Variants in CSMD1 observed in about 807,000 individuals in gnomAD.
CSMD1 encodes CUB and sushi domain-containing protein 1.
Under a neutral mutation model 417.5 loss-of-function variants are expected in CSMD1, and 213 were observed. That is an observed-to-expected ratio of 0.51 (90% CI 0.46 to 0.57). The LOEUF is 0.57. Among genes scored for constraint, CSMD1 ranks in the 20% least tolerant of loss-of-function variants. CSMD1 has a pLI of 0.00. For synonymous variants in CSMD1, 2,862 were observed against 1,736.8 expected (o/e 1.65, Z -16.11); for missense variants, 6,923 against 4,529.7 (o/e 1.53, Z -15.17).
chr8:4,640,453 GC>G (rs1410714980), intron 1 of CSMD1, among the ~76,000 whole-genome samples: 2 of 152,132 alleles, frequency 1.3e-5, no homozygotes, highest in African/African-American at 2.4e-5. Flanking sequence ...AGAATAGAAA[GC>G]CATAAAATCC....
At chr8:3,505,158 T>G (rs1293534646) in intron 10 of CSMD1, among the ~76,000 whole-genome samples, 1 of 152,002 alleles carries the variant, frequency 6.6e-6, no homozygotes, top group Non-Finnish European at 1.5e-5. Flanking sequence ...CTCAGATGTA[T>G]GAAAGAGGGT....
intron 5 of CSMD1, among the ~76,000 whole-genome samples, chr8:3,792,167 A>C (rs1277452654): frequency 6.6e-6 from 1 of 152,036 alleles, no homozygotes; most frequent in Non-Finnish European, 1.5e-5. Context: ...CATGGTGCAC[A>C]CGTGTAGTCC....
intron 1 of CSMD1, among the ~76,000 whole-genome samples, chr8:4,796,958 T>G (rs1462944501): frequency 6.6e-6 from 1 of 152,204 alleles, no homozygotes. Flanking sequence ...GCGGCCCTGA[T>G]TGCCTGGTCA....
chr8:4,366,499 T>C (rs1802081171), intron 3 of CSMD1, among the ~76,000 whole-genome samples: 1 of 152,216 alleles, frequency 6.6e-6, no homozygotes, highest in Non-Finnish European at 1.5e-5. Context: ...TCGATAAAAC[T>C]CCACAGTTTT....
At chr8:4,279,400 C>A (rs1796658529) in intron 3 of CSMD1, among the ~76,000 whole-genome samples, 1 of 152,186 alleles carries the variant, frequency 6.6e-6, no homozygotes, top group African/African-American at 2.4e-5. Context: ...GATTCTGAAT[C>A]ACCATTAAAT....
intron 2 of CSMD1, among the ~76,000 whole-genome samples, chr8:4,633,273 G>C (rs1441799617): frequency 6.6e-6 from 1 of 151,936 alleles, no homozygotes; most frequent in Non-Finnish European, 1.5e-5. Flanking sequence ...TTTTGATGGA[G>C]TTTCAGTCTG....
chr8:4,450,058 C>T (rs537496691), intron 2 of CSMD1, among the ~76,000 whole-genome samples: 213 of 152,256 alleles, frequency 1.4e-3, no homozygotes, highest in African/African-American at 4.7e-3. Flanking sequence ...ACTTTTCTCC[C>T]GGACCAAGGA....
chr8:3,058,449 C>A (rs762520332), intron 49 of CSMD1, among the ~76,000 whole-genome samples: 2 of 152,140 alleles, frequency 1.3e-5, no homozygotes, highest in Non-Finnish European at 2.9e-5. Flanking sequence ...TACACGAAAA[C>A]AATCACTAGT....
chr8:4,746,660 T>C (rs1382521267), intron 1 of CSMD1, among the ~76,000 whole-genome samples: 3 of 152,148 alleles, frequency 2.0e-5, no homozygotes, highest in Middle Eastern at 3.2e-3. Context: ...GCACAAACTA[T>C]GCAGTTCATT....
chr8:3,011,361 G>A (rs914939720), intron 52 of CSMD1, among the ~76,000 whole-genome samples: 3 of 152,076 alleles, frequency 2.0e-5, no homozygotes, highest in Admixed American at 2.0e-4. Flanking sequence ...TAATCTTTCT[G>A]CTCTGCTGTG....
intron 3 of CSMD1, among the ~76,000 whole-genome samples, chr8:4,368,856 AATCT>A (rs1802242143): frequency 1.3e-5 from 2 of 152,034 alleles, no homozygotes; most frequent in Admixed American, 1.3e-4. Flanking sequence ...TCTTAAAATT[AATCT>A]ATCTCACAGT....
chr8:3,677,100 C>T (rs1290762779), intron 7 of CSMD1, among the ~76,000 whole-genome samples: 2 of 152,036 alleles, frequency 1.3e-5, no homozygotes, highest in Admixed American at 6.6e-5. Flanking sequence ...CAACAAAAAC[C>T]ATGACACATG....
chr8:3,825,671 C>G (rs1419140076), intron 5 of CSMD1, among the ~76,000 whole-genome samples: 1 of 152,126 alleles, frequency 6.6e-6, no homozygotes, highest in Non-Finnish European at 1.5e-5. Flanking sequence ...AAGTTTTACT[C>G]TCTAGGCTCA....
chr8:3,401,529 AAGTAAGTAAAT>A (rs1296467637), intron 15 of CSMD1, among the ~76,000 whole-genome samples: 2 of 152,172 alleles, frequency 1.3e-5, no homozygotes, highest in African/African-American at 4.8e-5. Context: ...AGTAGATTGT[AAGTAAGTAAAT>A]AGTAAGTAAT....
Position 4,725,944 on chromosome 8 carries a change from G to A in CSMD1, c.86-88386C>T, listed in dbSNP as rs148817662. On this transcript the variant is annotated intron_variant, in intron 1 of 69. Coordinates refer to ENST00000635120, the MANE Select transcript of CSMD1 (RefSeq NM_033225.6). The stretch of plus-strand genomic sequence containing the variant: ...TTTGACACTCTCCAGTAGATACACG[G>A]CATTCGTCAAGAAGTTATTAGGATT... 2.6e-4 allele frequency among the ~76,000 whole-genome samples: 39 copies of A among 152,200 alleles called. No homozygotes were observed. In the East Asian group the frequency reaches 3.1e-3, roughly 12 times the overall value.
intron 23 of CSMD1, among the ~76,000 whole-genome samples, chr8:3,331,318 G>C (rs1423843197): frequency 6.6e-6 from 1 of 152,082 alleles, no homozygotes; most frequent in African/African-American, 2.4e-5. Context: ...TGATATCTGT[G>C]GTAAAGAATC....
intron 12 of CSMD1, among the ~76,000 whole-genome samples, chr8:3,423,215 C>G (rs1454234615): frequency 1.3e-5 from 2 of 152,130 alleles, no homozygotes; most frequent in Non-Finnish European, 2.9e-5. Flanking sequence ...TTTAAGGAGT[C>G]TTAATTTAAT....
At chr8:4,047,306 G>A (rs577651522) in intron 3 of CSMD1, among the ~76,000 whole-genome samples, 5 of 152,292 alleles carry the variant, frequency 3.3e-5, no homozygotes, top group Non-Finnish European at 5.9e-5. Context: ...GAGACATAAA[G>A]TGGAATATTC....
At chr8:4,521,180 T>A (rs1197834619) in intron 2 of CSMD1, among the ~76,000 whole-genome samples, 1 of 152,110 alleles carries the variant, frequency 6.6e-6, no homozygotes, top group Non-Finnish European at 1.5e-5. Flanking sequence ...AATAAATATA[T>A]ACATTAAAAA....
Sources: allele counts gnomAD v4.1 joint callset (sites outside exome capture counted in the v4.1 genomes callset), GRCh38; gene constraint gnomAD v4.1.1; transcripts MANE v1.5; gene names NCBI Gene and HGNC (gene_info 2026-07-23, HGNC 2026-07-21).